The following TMEM43 variants were observed in gnomAD, a reference collection of about 807,000 sequenced individuals.
The protein encoded by TMEM43 is arrhythmogenic right ventricular dysplasia 5.
In TMEM43, 45 loss-of-function variants were observed where a neutral mutation model predicts 49.6. That is an observed-to-expected ratio of 0.91 (90% CI 0.71 to 1.16). The LOEUF is 1.16. Ranked by LOEUF, TMEM43 falls within the 50% of genes most tolerant of loss-of-function variation. The probability of loss-of-function intolerance (pLI) is 0.00; values close to 1 mark genes in which losing one functional copy is unlikely to be tolerated. For synonymous variants in TMEM43, 199 were observed against 207.8 expected (o/e 0.96, Z 0.36); for missense variants, 532 against 516.6 (o/e 1.03, Z -0.29).
intron 1 of TMEM43, among the ~76,000 whole-genome samples, chr3:14,128,266 A>G (rs1219536118): frequency 1.3e-5 from 2 of 152,052 alleles, no homozygotes; most frequent in East Asian, 1.9e-4. Context: ...TTATTGACCA[A>G]AGCCTGATCC....
intron 7 of TMEM43, among the ~76,000 whole-genome samples, chr3:14,134,183 CCT>C (rs762664433): frequency 6.6e-6 from 1 of 152,226 alleles, no homozygotes; most frequent in Admixed American, 6.5e-5. Flanking sequence ...TAGGGCTCCC[CCT>C]CTCTGAGTTC....
intron 7 of TMEM43, 49 bp downstream of exon 7, chr3:14,133,858 C>G: frequency 1.3e-6 from 2 of 1,551,594 alleles, no homozygotes; most frequent in Non-Finnish European, 1.8e-6. Flanking sequence ...GCACAAGGCC[C>G]CCCTAGGGCC....
At chr3:14,131,541 T>C in intron 3 of TMEM43, 39 bp from the exon 4 acceptor site, 2 of 1,574,468 alleles carry the variant, frequency 1.3e-6, no homozygotes, top group Non-Finnish European at 1.7e-6. Context: ...ACGTGAATGT[T>C]ATCCTTTATT....
chr3:14,137,996 T>C (rs1695191885), intron 10 of TMEM43: 1 of 152,210 alleles, frequency 6.6e-6, no homozygotes, highest in Non-Finnish European at 1.5e-5. Flanking sequence ...ACTGAGTGAA[T>C]TTGAGAATTA....
chr3:14,133,779 G>C lies in TMEM43; in HGVS notation c.553G>C (p.Val185Leu). 6.2e-7 allele frequency: 1 copy of C among 1,614,136 alleles called. No individual in the cohort carries two copies. The highest frequency in any genetic ancestry group is 8.5e-7 in the Non-Finnish European group (1 of 1,179,964). Residue 185 changes from valine (V) to leucine (L), a missense_variant, in exon 7 of 12, where the codon GTC becomes CTC. Transcript: ENST00000306077. ...GTCATTCATGGCAACAGCCCCCTTT[G>C]TCCAAATTGGCAGGTTTTTCCTCTC... Reference protein sequence around the residue: ...VESFMATAPFVQIGRFFLSSG... With the variant: ...VESFMATAPFLQIGRFFLSSG...
chr3:14,135,244 T>A lies in TMEM43; in HGVS notation c.780+12T>A. ...GCCCAGCTCACGTGGTAACCTGGCTTCCCAGGGGCAGACACTAAGTCAGAG... is the reference window on the plus strand; with the variant it reads ...GCCCAGCTCACGTGGTAACCTGGCTACCCAGGGGCAGACACTAAGTCAGAG... On this transcript the variant is annotated intron_variant, in intron 9 of 11. Transcript: ENST00000306077. 1 of 1,609,058 alleles carries A rather than the reference T, an allele frequency of 6.2e-7. No homozygotes were observed. Among genetic ancestry groups the A allele is most frequent in the Non-Finnish European group, 8.5e-7 (1 of 1,178,208 alleles).
intron 10 of TMEM43, among the ~76,000 whole-genome samples, chr3:14,138,525 C>T (rs972117328): frequency 5.3e-5 from 8 of 151,996 alleles, no homozygotes; most frequent in African/African-American, 1.9e-4. Flanking sequence ...ATGGAGAAGG[C>T]GCCAGTGTCA....
rs748242385 is a variant in TMEM43 at position 14,130,904 on chromosome 3, C to T, written c.245C>T (p.Pro82Leu). The change falls in exon 3 of 12, where the codon CCG becomes CTG. Residue 82 changes from proline (P) to leucine (L), a missense_variant. By Grantham distance (98) the Pro-to-Leu change is moderately conservative. Transcript: ENST00000306077. ...CCCGACAGCATCCACAGTGTGGCTC[C>T]GGAGAATGAAGGAAGGCTGGTGCAC... ...VSPDSIHSVA[P>L]ENEGRLVHII... The T allele has an allele frequency of 9.3e-6, 15 of 1,613,440 alleles. No homozygotes were observed. The highest frequency in any genetic ancestry group is 1.6e-4 in the Middle Eastern group (1 of 6,080).
At chr3:14,136,615 G>A (rs1037697526) in intron 10 of TMEM43, among the ~76,000 whole-genome samples, 1 of 152,058 alleles carries the variant, frequency 6.6e-6, no homozygotes, top group Non-Finnish European at 1.5e-5. Context: ...GTTCCAGCAA[G>A]AACAGCCCAG....
In TMEM43 at chr3:14,133,225, A is replaced by G. The variant is rs368761778; in HGVS notation, c.512+290A>G. On this transcript the variant is annotated intron_variant, in intron 6 of 11. Coordinates refer to ENST00000306077, the MANE Select transcript of TMEM43 (RefSeq NM_024334.3). ...GGAAGCATTTTGTTAATGGTTTGCC[A>G]TGGGTGGGAGGACAATCAGGACAGG... Among the ~76,000 whole-genome samples the G allele has an allele frequency of 2.0e-5, 3 of 152,326 alleles. No individual in the cohort carries two copies. The East Asian group carries it at 5.8e-4, about 29-fold the overall frequency.
chr3:14,139,597 C>T (rs1695222425), intron 11 of TMEM43, among the ~76,000 whole-genome samples: 2 of 152,210 alleles, frequency 1.3e-5, no homozygotes, highest in Admixed American at 1.3e-4. Context: ...TTCCTTTGAT[C>T]CACAATTGAA....
chr3:14,135,150 A>T lies in TMEM43; in HGVS notation c.706-8A>T. 1 of 1,610,658 alleles carries T rather than the reference A, an allele frequency of 6.2e-7. No homozygotes were observed. Among genetic ancestry groups the T allele is most frequent in the South Asian group, 1.1e-5 (1 of 91,026 alleles). ...TCCTCACTCTCCCTGCTTCTCTTCC[A>T]CCCCCAGGTGGGAGACTTGCGTGTC... On this transcript the variant is annotated splice_region_variant and splice_polypyrimidine_tract_variant and intron_variant, in intron 8 of 11. Transcript: ENST00000306077.
chr3:14,135,301 G>C, intron 9 of TMEM43, 69 bp downstream of exon 9: 2 of 1,350,666 alleles, frequency 1.5e-6, no homozygotes, highest in South Asian at 1.2e-5. Context: ...AGACACCTTG[G>C]TCAATGTCAG....
intron 2 of TMEM43, 42 bp from the exon 3 acceptor site, chr3:14,130,780 C>T (rs1283365494): frequency 1.2e-6 from 2 of 1,605,392 alleles, no homozygotes; most frequent in Non-Finnish European, 1.7e-6. Flanking sequence ...CATGCTGAGC[C>T]ACCCCTGAGC....
rs1489814713 is a variant in TMEM43 at position 14,135,811 on chromosome 3, CTG to C, written c.788_789del (p.Val263AspfsTer7). ...AACACCAGGTCCTCTGACCAGGTCA[CTG>C]TGATTGCCCGGCAGCGGGGTGACCA... On this transcript the variant is annotated frameshift_variant, in exon 10 of 12. Coordinates refer to ENST00000306077, the MANE Select transcript of TMEM43 (RefSeq NM_024334.3). LOFTEE classifies it high-confidence loss of function. 1.2e-6 allele frequency: 2 copies of C among 1,613,054 alleles called. No individual in the cohort carries two copies. Among genetic ancestry groups the C allele is most frequent in the Non-Finnish European group, 1.7e-6 (2 of 1,180,010 alleles).
intron 11 of TMEM43, among the ~76,000 whole-genome samples, chr3:14,140,698 C>A (rs1695235613): frequency 6.6e-6 from 1 of 152,196 alleles, no homozygotes; most frequent in Non-Finnish European, 1.5e-5. Context: ...AGAGTACCTA[C>A]CTTACAGGGT....
intron 8 of TMEM43, 97 bp downstream of exon 8, chr3:14,134,988 G>GCA: frequency 3.2e-6 from 5 of 1,584,220 alleles, no homozygotes; most frequent in Non-Finnish European, 4.3e-6. Flanking sequence ...ATGCACAGCT[G>GCA]CACTTGGCCA....
intron 10 of TMEM43, among the ~76,000 whole-genome samples, chr3:14,137,457 G>A (rs887947227): frequency 6.6e-6 from 1 of 152,164 alleles, no homozygotes; most frequent in East Asian, 1.9e-4. Flanking sequence ...TGCTCAGGCG[G>A]CCTCCTTACC....
chr3:14,135,665 T>G, intron 9 of TMEM43, 142 bp from the exon 10 acceptor site: 1 of 643,672 alleles, frequency 1.6e-6, no homozygotes, highest in Admixed American at 2.6e-5. Flanking sequence ...GCATCCCAGA[T>G]GGATGTATAG....
Sources: allele counts gnomAD v4.1 joint callset (sites outside exome capture counted in the v4.1 genomes callset), GRCh38; gene constraint gnomAD v4.1.1; transcripts MANE v1.5; gene names NCBI Gene and HGNC (gene_info 2026-07-23, HGNC 2026-07-21).